Variants in REXO2 observed in about 807,000 individuals in gnomAD.
REXO2 encodes the protein RNA exonuclease 2.
In REXO2, 17 loss-of-function variants were observed where a neutral mutation model predicts 30.9. That is an observed-to-expected ratio of 0.55 (90% CI 0.38 to 0.82). The LOEUF (loss-of-function observed/expected upper bound fraction) is 0.82, where lower values mean the gene tolerates loss of function less well. Among genes scored for constraint, REXO2 ranks in the 40% least tolerant of loss-of-function variants. The pLI, the probability that REXO2 is intolerant of heterozygous loss-of-function variation, is 0.00. For missense variants in REXO2, 253 were observed against 293.2 expected (o/e 0.86, Z 1.00); for synonymous variants, 105 against 99.6 (o/e 1.05, Z -0.32).
intron 2 of REXO2, among the ~76,000 whole-genome samples, chr11:114,442,842 G>T (rs1196762185): frequency 6.6e-6 from 1 of 151,922 alleles, no homozygotes; most frequent in African/African-American, 2.4e-5. Flanking sequence ...GAATTTGAGG[G>T]CTACTTTGTG....
Position 114,450,083 on chromosome 11 carries a change from C to T in REXO2, c.*108C>T. On this transcript the variant is annotated 3_prime_UTR_variant, in exon 7 of 7. Transcript: ENST00000265881. ...AGCACCTTCGGTTAACTTGCATCTC[C>T]AGATTGATTACTCAAGCAGACAGCA... 6 of 1,113,062 alleles carry T rather than the reference C, an allele frequency of 5.4e-6. No individual in the cohort carries two copies. The South Asian group carries it at 9.3e-5, about 17-fold the overall frequency. The allele number at this position is 1,113,062 out of a possible 1,614,324, so 68.9% of individuals were successfully genotyped here.
At chr11:114,442,449 A>G (rs913575209) in intron 2 of REXO2, among the ~76,000 whole-genome samples, 30 of 151,982 alleles carry the variant, frequency 2.0e-4, no homozygotes, top group Admixed American at 2.0e-3. Context: ...CTGTTATCCA[A>G]GCAAAATTTT....
chr11:114,440,773 T>G (rs1946471274), intron 2 of REXO2, 34 bp downstream of exon 2: 5 of 1,432,862 alleles, frequency 3.5e-6, no homozygotes, highest in Non-Finnish European at 4.9e-6. Flanking sequence ...TCATACTTTT[T>G]AAAGGGCACT....
intron 1 of REXO2, 71 bp downstream of exon 1, chr11:114,439,746 G>A: frequency 7.0e-7 from 1 of 1,428,654 alleles, no homozygotes; most frequent in Non-Finnish European, 9.1e-7. Flanking sequence ...AGTCGAGCCC[G>A]TCCTGGGAGA....
chr11:114,439,702 G>T, intron 1 of REXO2, 27 bp downstream of exon 1: 1 of 1,464,644 alleles, frequency 6.8e-7, no homozygotes. Context: ...GGGGGCTTGG[G>T]GAGGCGAGTG....
chr11:114,448,923 A>C (rs1306376518), intron 6 of REXO2: 1 of 152,258 alleles, frequency 6.6e-6, no homozygotes, highest in Non-Finnish European at 1.5e-5. Flanking sequence ...TAATTTTGGC[A>C]GCTTCGGCTC....
At chr11:114,445,730 A>C (rs1257915832) in intron 4 of REXO2, 1 of 360,056 alleles carries the variant, frequency 2.8e-6, no homozygotes, top group Non-Finnish European at 5.1e-6. Flanking sequence ...GTGGAATGAT[A>C]GATTTGTCCT....
chr11:114,440,791 T>C (rs748419090), intron 2 of REXO2, 52 bp downstream of exon 2: 7 of 1,307,998 alleles, frequency 5.4e-6, no homozygotes, highest in East Asian at 2.3e-5. Flanking sequence ...ACTGGAAATA[T>C]AACCATCATT....
rs1474906613 is a variant in REXO2 at position 114,447,880 on chromosome 11, G to C, written c.584+1G>C. 1 of 1,613,036 alleles carries C rather than the reference G, an allele frequency of 6.2e-7. No homozygotes were observed. The highest frequency in any genetic ancestry group is 1.3e-5 in the African/African-American group (1 of 74,816). ...CACCAAAGAAGGCTGCTTCTCATAGGTAAGTTTGAGTTCTACCAAGCGTTT... is the reference window on the plus strand; with the variant it reads ...CACCAAAGAAGGCTGCTTCTCATAGCTAAGTTTGAGTTCTACCAAGCGTTT... On this transcript the variant is annotated splice_donor_variant, in intron 6 of 6. Transcript: ENST00000265881. LOFTEE classifies it high-confidence loss of function.
At chr11:114,446,161 T>G (rs1946508564) in intron 5 of REXO2, 74 bp downstream of exon 5, 3 of 842,384 alleles carry the variant, frequency 3.6e-6, no homozygotes, top group East Asian at 2.5e-5. Flanking sequence ...GGAAAGTAAT[T>G]GGATAGAGCT....
chr11:114,446,883 C>T (rs1001684093), intron 5 of REXO2, among the ~76,000 whole-genome samples: 5 of 148,004 alleles, frequency 3.4e-5, no homozygotes, highest in Admixed American at 6.7e-5. Flanking sequence ...TGATAACGAT[C>T]GTTCTGATTC....
At position 114,440,699 on chromosome 11, in the gene REXO2, C is replaced by A; in HGVS notation, c.191C>A (p.Ala64Asp). The A allele has an allele frequency of 6.2e-7, 1 of 1,613,704 alleles. No individual in the cohort carries two copies. Among genetic ancestry groups the A allele is most frequent in the Non-Finnish European group, 8.5e-7 (1 of 1,179,730 alleles). Residue 64 changes from alanine to aspartate, a missense_variant, in exon 2 of 7, where the codon GCC becomes GAC. Ala to Asp is a moderately radical substitution (Grantham distance 126). Coordinates refer to ENST00000265881, the MANE Select transcript of REXO2 (RefSeq NM_015523.4). ...DIEKDQIIEM[A>D]CLITDSDLNI... The stretch of plus-strand genomic sequence containing the variant: ...GAGAAGGACCAGATTATTGAGATGG[C>A]CTGTCTGATAACTGACTCTGATCTC...
At chr11:114,440,162 A>C in intron 1 of REXO2, 1 of 462,090 alleles carries the variant, frequency 2.2e-6, no homozygotes. Flanking sequence ...GCTGTTAGTG[A>C]GAGTCTGAGT....
At chr11:114,440,585 T>G (rs1591210093) in intron 1 of REXO2, 71 bp from the exon 2 acceptor site, 1 of 1,150,754 alleles carries the variant, frequency 8.7e-7, no homozygotes, top group East Asian at 2.4e-5. Flanking sequence ...GGAATTCCTG[T>G]TAAATAAACT....
intron 6 of REXO2, 71 bp from the exon 7 acceptor site, chr11:114,449,775 G>A (rs1946533809): frequency 2.7e-6 from 4 of 1,503,438 alleles, no homozygotes; most frequent in Middle Eastern, 2.2e-4. Context: ...TTTTTTAAAA[G>A]TTGTACTTTT....
intron 3 of REXO2, 116 bp from the exon 4 acceptor site, chr11:114,444,425 A>G (rs563394760): frequency 1.4e-6 from 1 of 731,282 alleles, no homozygotes; most frequent in South Asian, 1.6e-5. Flanking sequence ...AGCTCTAAAA[A>G]TGGTCTATTT....
At position 114,440,609 on chromosome 11, in the gene REXO2, C is replaced by T. The variant is rs752327545; in HGVS notation, c.148-47C>T. On this transcript the variant is annotated intron_variant, in intron 1 of 6. Coordinates refer to ENST00000265881, the MANE Select transcript of REXO2 (RefSeq NM_015523.4). ...GTTAAATAAACTTGGGTAAAAGAGG[C>T]CAGAATGATGGCTTTGTGTGTGTTA... The T allele has an allele frequency of 2.0e-5, 29 of 1,421,378 alleles. 1 individual carries two copies. Among genetic ancestry groups the T allele is most frequent in the Non-Finnish European group, 2.1e-5 (21 of 1,012,780 alleles). 88.0% of individuals were successfully genotyped at this position (1,421,378 alleles called of 1,614,324 possible).
intron 4 of REXO2, 31 bp from the exon 5 acceptor site, chr11:114,445,948 T>G (rs772412780): frequency 9.1e-7 from 1 of 1,102,026 alleles, no homozygotes; most frequent in South Asian, 1.3e-5. Context: ...ACTAGAAATA[T>G]AGAGATGCAG....
chr11:114,440,566 A>G (rs1946469878), intron 1 of REXO2, 90 bp from the exon 2 acceptor site: 1 of 932,044 alleles, frequency 1.1e-6, no homozygotes, highest in Non-Finnish European at 1.7e-6. Flanking sequence ...CAAGCTGACT[A>G]TGTTTGAGGG....
Sources: gnomAD v4.1 joint callset for allele counts (sites outside exome capture counted in the v4.1 genomes callset) on GRCh38, gnomAD v4.1.1 for gene constraint, MANE v1.5 for transcripts, NCBI Gene and HGNC (gene_info 2026-07-23, HGNC 2026-07-21) for gene names.